HEATR9: variants seen among roughly 807,000 people sequenced by gnomAD.
HEATR9 encodes HEAT repeat containing 9, also known as protein HEATR9.
Under a neutral mutation model 68.2 loss-of-function variants are expected in HEATR9, and 54 were observed. The ratio of observed to expected loss-of-function variants is 0.79; its 90% confidence interval spans 0.64 to 0.99. The LOEUF (loss-of-function observed/expected upper bound fraction) is 0.99. HEATR9 is among the 50% of genes least tolerant of loss of function. The probability of loss-of-function intolerance (pLI) is 0.00; values close to 1 mark genes in which losing one functional copy is unlikely to be tolerated. For missense variants in HEATR9, 662 were observed against 679.7 expected (o/e 0.97, Z 0.29); for synonymous variants, 241 against 253.5 (o/e 0.95, Z 0.47).
At chr17:35,868,149 C>G (rs921557161) in intron 1 of HEATR9, among the ~76,000 whole-genome samples, 1 of 152,144 alleles carries the variant, frequency 6.6e-6, no homozygotes, top group Non-Finnish European at 1.5e-5. Flanking sequence ...GACCACTGTT[C>G]TAGCTGGAGA....
rs747750428 is a variant in HEATR9 at position 35,855,122 on chromosome 17, C to G, written c.1654G>C (p.Gly552Arg). The G allele has an allele frequency of 1.2e-6, 2 of 1,614,064 alleles. No individual in the cohort carries two copies. Among genetic ancestry groups the G allele is most frequent in the Admixed American group, 3.3e-5 (2 of 60,004 alleles). The change falls in exon 15 of 15, where the codon GGG becomes CGG. Residue 552 changes from glycine (G) to arginine (R), a missense_variant. Coordinates refer to ENST00000604834, the MANE Select transcript of HEATR9 (RefSeq NM_152781.4). ...TTCTTGATCCTTGGCTGCCAGGGCC[C>G]TATGACCTGTGGCCTATGTTTTCGT... ...KPRKHRPQVI[G>R]PWQPRIKKQL...
chr17:35,867,345 G>A (rs2088237769), intron 1 of HEATR9, among the ~76,000 whole-genome samples: 1 of 141,446 alleles, frequency 7.1e-6, no homozygotes, highest in Non-Finnish European at 1.5e-5. Context: ...TGAGGCAGGA[G>A]AGTCTCTTCA....
intron 11 of HEATR9, among the ~76,000 whole-genome samples, chr17:35,857,327 G>T (rs2087808377): frequency 6.6e-6 from 1 of 152,184 alleles, no homozygotes. Context: ...GGAGAATGGT[G>T]AGAGATGAAG....
intron 6 of HEATR9, chr17:35,863,941 G>A (rs1257414232): frequency 1.9e-6 from 1 of 536,628 alleles, no homozygotes; most frequent in Non-Finnish European, 3.3e-6. Flanking sequence ...TACATATGCG[G>A]TGTTTCCAGT....
intron 11 of HEATR9, 28 bp from the exon 12 acceptor site, chr17:35,856,833 G>GT: frequency 6.3e-7 from 1 of 1,576,854 alleles, no homozygotes; most frequent in Non-Finnish European, 8.6e-7. Context: ...TGAGTCAACA[G>GT]AGAGAGGGAA....
chr17:35,856,887 AT>A, intron 11 of HEATR9, 82 bp from the exon 12 acceptor site: 1 of 1,286,774 alleles, frequency 7.8e-7, no homozygotes, highest in Non-Finnish European at 1.1e-6. Flanking sequence ...TTTACTGAAC[AT>A]TTCCTTTGTG....
At chr17:35,868,469 A>G (rs1347237796) in intron 1 of HEATR9, 186 bp downstream of exon 1, 2 of 1,058,900 alleles carry the variant, frequency 1.9e-6, no homozygotes, top group African/African-American at 3.2e-5. Context: ...AGATCCCTGT[A>G]GGCCCTGCTG....
chr17:35,856,269 G>A (rs764495721), intron 12 of HEATR9, 45 bp from the exon 13 acceptor site: 5 of 1,613,820 alleles, frequency 3.1e-6, no homozygotes, highest in Admixed American at 1.7e-5. Flanking sequence ...TTAAGGAGTA[G>A]GGGAAGTGGA....
chr17:35,864,601 G>A, intron 4 of HEATR9, 48 bp from the exon 5 acceptor site: 1 of 1,595,336 alleles, frequency 6.3e-7, no homozygotes, highest in Non-Finnish European at 8.5e-7. Context: ...GAAAAATAAA[G>A]AATTTCAAAC....
At chr17:35,861,795 AC>A (rs1192058515) in intron 8 of HEATR9, among the ~76,000 whole-genome samples, 1 of 150,888 alleles carries the variant, frequency 6.6e-6, no homozygotes, top group African/African-American at 2.4e-5. Flanking sequence ...GATCACTCTT[AC>A]CCTGCTATGT....
rs1412249093 is a variant in HEATR9 at position 35,855,218 on chromosome 17, A to G, written c.1558T>C (p.Phe520Leu). 3 of 1,614,038 alleles carry G rather than the reference A, an allele frequency of 1.9e-6. No individual in the cohort carries two copies. The African/African-American group carries it at 4.0e-5, about 22-fold the overall frequency. The change falls in exon 15 of 15, where the codon TTT becomes CTT. Residue 520 changes from phenylalanine to leucine, a missense_variant. Physicochemically the swap from Phe to Leu is conservative, Grantham distance 22. Transcript: ENST00000604834. ...ACTTTGGTGATGGACTTTGCAATAA[A>G]CAAGGGGTTCAGCTTTGCAAGTCGA... ...DFRLAKLNPL[F>L]IAKSITKVGQ...
chr17:35,866,144 A>G (rs2088191182), intron 2 of HEATR9, among the ~76,000 whole-genome samples: 1 of 152,098 alleles, frequency 6.6e-6, no homozygotes, highest in Admixed American at 6.6e-5. Context: ...CCAACTTTGT[A>G]CTGAAGAGAT....
At chr17:35,856,620 A>G (rs1180469637) in intron 12 of HEATR9, 112 bp downstream of exon 12, 2 of 943,794 alleles carry the variant, frequency 2.1e-6, no homozygotes, top group Non-Finnish European at 1.6e-6. Context: ...GCTGCACTGT[A>G]GGTTCTCAGC....
At chr17:35,859,217 C>T (rs2087888889) in intron 8 of HEATR9, 147 bp from the exon 9 acceptor site, 1 of 720,096 alleles carries the variant, frequency 1.4e-6, no homozygotes, top group African/African-American at 1.8e-5. Context: ...CTGTCACCTA[C>T]TTGCTTCTAG....
chr17:35,856,263 G>C, intron 12 of HEATR9, 39 bp from the exon 13 acceptor site: 1 of 1,614,018 alleles, frequency 6.2e-7, no homozygotes, highest in African/African-American at 1.3e-5. Context: ...GTTGAATTAA[G>C]GAGTAGGGGA....
intron 8 of HEATR9, among the ~76,000 whole-genome samples, 184 bp from the exon 9 acceptor site, chr17:35,859,254 C>G (rs1241779100): frequency 6.6e-6 from 1 of 152,204 alleles, no homozygotes; most frequent in African/African-American, 2.4e-5. Context: ...CTATAACTAT[C>G]TCATGGATGG....
chr17:35,858,059 T>C (rs1262060924), intron 11 of HEATR9, 141 bp downstream of exon 11: 42 of 1,230,838 alleles, frequency 3.4e-5, no homozygotes, highest in East Asian at 1.2e-4. Flanking sequence ...CAAGGTGATA[T>C]AAAAACCTGG....
chr17:35,860,687 C>T (rs2087955961), intron 8 of HEATR9, among the ~76,000 whole-genome samples: 1 of 151,262 alleles, frequency 6.6e-6, no homozygotes, highest in African/African-American at 2.4e-5. Context: ...GACCGGGTTT[C>T]ACCATGTTAG....
intron 8 of HEATR9, 110 bp downstream of exon 8, chr17:35,862,885 C>G: frequency 6.8e-7 from 1 of 1,469,118 alleles, no homozygotes; most frequent in Non-Finnish European, 9.4e-7. Flanking sequence ...ACAGTGTCTT[C>G]CTCTATCAAA....
Sources: gnomAD v4.1 joint callset for allele counts (sites outside exome capture counted in the v4.1 genomes callset) on GRCh38, gnomAD v4.1.1 for gene constraint, MANE v1.5 for transcripts, NCBI Gene and HGNC (gene_info 2026-07-23, HGNC 2026-07-21) for gene names.